The following IDO2 variants were observed in gnomAD, a reference collection of about 807,000 sequenced individuals.
IDO2 encodes the protein indoleamine 2,3-dioxygenase 2, also known as indoleamine 2,3-dioxygenase-like 1 protein.
A neutral mutation model predicts 45.1 loss-of-function variants in IDO2; 46 were observed. That is an observed-to-expected ratio of 1.02 (90% confidence interval 0.80 to 1.30). The LOEUF (loss-of-function observed/expected upper bound fraction) is 1.30. Among genes scored for constraint, IDO2 ranks in the 50% most tolerant of loss-of-function variants. IDO2 has a pLI of 0.00. For missense variants in IDO2, 544 were observed against 491.8 expected, an observed-to-expected ratio of 1.11 and a Z score of -1.00; for synonymous variants, 218 against 184.9, an observed-to-expected ratio of 1.18 and a Z score of -1.45.
chr8:39,978,833 C>T (rs375640569), intron 3 of IDO2, among the ~76,000 whole-genome samples: 1 of 152,062 alleles, frequency 6.6e-6, no homozygotes, highest in Non-Finnish European at 1.5e-5. Flanking sequence ...ACTGTGGGCT[C>T]GGGTGGGCGG....
At position 40,016,375 on chromosome 8, in the gene IDO2, T is replaced by C. The variant is rs1447074552; in HGVS notation, c.*773T>C. On this transcript the variant is annotated 3_prime_UTR_variant, in exon 11 of 11. Coordinates refer to ENST00000502986, the Ensembl canonical transcript of IDO2. Reference sequence around the variant, plus strand: ...TCAATGTGTTTAGTGTGCAAATAAATGTAAATGCTTTTATTGACTTAGTTT... The same window carrying C: ...TCAATGTGTTTAGTGTGCAAATAAACGTAAATGCTTTTATTGACTTAGTTT... The C allele has an allele frequency of 1.4e-4, 53 of 387,922 alleles. No homozygotes were observed. In the East Asian group the frequency reaches 1.9e-3, roughly 14 times the overall value. The allele number at this position is 387,922 out of a possible 1,614,324, so 24.0% of individuals were successfully genotyped here.
chr8:40,014,988 A>G (rs985811646), intron 10 of IDO2, among the ~76,000 whole-genome samples: 2 of 152,090 alleles, frequency 1.3e-5, no homozygotes, highest in Admixed American at 6.6e-5. Context: ...GTCTCTACTA[A>G]AAGGAATACA....
intron 3 of IDO2, among the ~76,000 whole-genome samples, chr8:39,966,221 G>T (rs1011542739): frequency 2.6e-5 from 4 of 151,960 alleles, no homozygotes; most frequent in Non-Finnish European, 4.4e-5. Context: ...TAGAGACGGG[G>T]TTTCACCATA....
chr8:39,952,916 G>A (rs981576943), intron 2 of IDO2, among the ~76,000 whole-genome samples: 19 of 152,116 alleles, frequency 1.2e-4, no homozygotes, highest in African/African-American at 3.9e-4. Context: ...TTACAGGCAT[G>A]AGCCACCATG....
At chr8:39,978,050 T>A (rs1157136288) in intron 3 of IDO2, among the ~76,000 whole-genome samples, 1 of 152,196 alleles carries the variant, frequency 6.6e-6, no homozygotes, top group Non-Finnish European at 1.5e-5. Flanking sequence ...TATCTAGCTG[T>A]ATTTTAGAAC....
rs747878540 is a variant in IDO2 at position 39,982,678 on chromosome 8, A to G, written c.342A>G (p.Pro114=). ...TCCTGCCAAGGAATCTTGCCCTTCC[A>G]TTTGTCGAAGTCTCCAGGAACTTGG... The change falls in exon 5 of 11, where the codon CCA becomes CCG. Residue 114 remains proline, a synonymous_variant. Transcript: ENST00000502986. 5.6e-6 allele frequency: 9 copies of G among 1,610,906 alleles called. No homozygotes were observed. In the South Asian group the frequency reaches 1.0e-4, roughly 18 times the overall value.
intron 1 of IDO2, among the ~76,000 whole-genome samples, chr8:39,937,184 T>C (rs894749303): frequency 2.6e-5 from 4 of 152,226 alleles, no homozygotes; most frequent in Admixed American, 1.3e-4. Context: ...AGTGACACAG[T>C]AAACTCTGTG....
At chr8:39,935,289 C>T in intron 1 of IDO2, 71 bp downstream of exon 1, 1 of 1,250,914 alleles carries the variant, frequency 8.0e-7, no homozygotes. Context: ...CAATTTGGGG[C>T]TAGCAACTCA....
At chr8:39,953,442 T>C (rs1807841287) in intron 2 of IDO2, among the ~76,000 whole-genome samples, 1 of 152,248 alleles carries the variant, frequency 6.6e-6, no homozygotes, top group South Asian at 2.1e-4. Context: ...GTTAGTCAAC[T>C]GCTTTTTTAG....
intron 6 of IDO2, chr8:39,985,746 T>C (rs765525537): frequency 6.8e-5 from 36 of 529,838 alleles, no homozygotes; most frequent in South Asian, 1.5e-4. Flanking sequence ...TTTTACTGTA[T>C]TTTCCAGTCT....
At chr8:40,006,598 C>G (rs1283361631) in intron 9 of IDO2, among the ~76,000 whole-genome samples, 1 of 152,032 alleles carries the variant, frequency 6.6e-6, no homozygotes, top group African/African-American at 2.4e-5. Flanking sequence ...GAGTACTCTT[C>G]TTTTGTCACA....
At chr8:39,982,176 G>T (rs971980551) in intron 4 of IDO2, among the ~76,000 whole-genome samples, 2 of 150,962 alleles carry the variant, frequency 1.3e-5, no homozygotes, top group East Asian at 1.9e-4. Context: ...TATCTATCTA[G>T]CTAGCTATCA....
In IDO2 at chr8:39,949,034, G is replaced by T; in HGVS notation, c.-17-115G>T. On this transcript the variant is annotated intron_variant, in intron 1 of 10. Coordinates refer to ENST00000502986, the Ensembl canonical transcript of IDO2. Reference sequence around the variant, plus strand: ...ATGATGATCTGGAATTCAACCTCAGGGAAAAGTTCTCTCCTGTGCCTGAGA... The same window carrying T: ...ATGATGATCTGGAATTCAACCTCAGTGAAAAGTTCTCTCCTGTGCCTGAGA... The T allele has an allele frequency of 2.2e-6, 3 of 1,370,002 alleles. No individual in the cohort carries two copies. In the East Asian group the frequency reaches 7.7e-5, roughly 35 times the overall value. 84.9% of individuals were successfully genotyped at this position (1,370,002 alleles called of 1,614,324 possible). A position where few individuals can be genotyped will look rare whatever the true frequency, so the allele number is the denominator to read the frequency against.
chr8:39,989,579 A>G (rs951611271), intron 7 of IDO2, 142 bp from the exon 8 acceptor site: 8 of 587,912 alleles, frequency 1.4e-5, no homozygotes, highest in Non-Finnish European at 2.1e-5. Flanking sequence ...CCAACCCCAC[A>G]GTGGATCTAG....
chr8:40,010,596 A>G (rs373524503), intron 9 of IDO2, among the ~76,000 whole-genome samples: 26 of 152,300 alleles, frequency 1.7e-4, no homozygotes, highest in African/African-American at 6.0e-4. Flanking sequence ...GTACTAGGGT[A>G]CAAGGGCTAA....
At chr8:39,988,316 C>G (rs1808453677) in intron 7 of IDO2, among the ~76,000 whole-genome samples, 1 of 152,156 alleles carries the variant, frequency 6.6e-6, no homozygotes, top group Admixed American at 6.5e-5. Context: ...GTGTGAGCCA[C>G]TGCACCGGGC....
chr8:39,993,571 T>C (rs1361380894), intron 8 of IDO2, among the ~76,000 whole-genome samples: 1 of 152,220 alleles, frequency 6.6e-6, no homozygotes, highest in Non-Finnish European at 1.5e-5. Flanking sequence ...CTTGATTTCA[T>C]GGAAGGAATT....
intron 8 of IDO2, among the ~76,000 whole-genome samples, chr8:39,992,690 G>A (rs927002202): frequency 2.6e-5 from 4 of 152,162 alleles, no homozygotes; most frequent in East Asian, 1.9e-4. Flanking sequence ...TTTCTTCTGC[G>A]TGATAAATAG....
chr8:39,986,341 C>T (rs1808422305), intron 6 of IDO2: 1 of 152,174 alleles, frequency 6.6e-6, no homozygotes, highest in African/African-American at 2.4e-5. Context: ...CTCCCATCAC[C>T]AAACCTCAGC....
Sources: gnomAD v4.1 joint callset for allele counts (sites outside exome capture counted in the v4.1 genomes callset) on GRCh38, gnomAD v4.1.1 for gene constraint, MANE v1.5 for transcripts, NCBI Gene and HGNC (gene_info 2026-07-23, HGNC 2026-07-21) for gene names.